Variants in EXOSC10 observed in about 807,000 individuals in gnomAD.
EXOSC10 encodes the protein exosome complex component 10.
EXOSC10 carries 94 observed loss-of-function variants against 126.6 expected under a neutral mutation model. That is an observed-to-expected ratio of 0.74 (90% CI 0.63 to 0.88). The LOEUF (loss-of-function observed/expected upper bound fraction) is 0.88, where lower values mean the gene tolerates loss of function less well. Ranked by LOEUF, EXOSC10 falls within the 40% of genes least tolerant of loss-of-function variation. EXOSC10 has a pLI of 0.00. For missense variants in EXOSC10, 1,041 were observed against 1,100.5 expected, an observed-to-expected ratio of 0.95 and a Z score of 0.77; for synonymous variants, 395 against 400.8, an observed-to-expected ratio of 0.99 and a Z score of 0.17.
intron 3 of EXOSC10, among the ~76,000 whole-genome samples, chr1:11,093,274 A>G (rs12126654): frequency 0.064 from 9,761 of 152,244 alleles, 454 homozygotes; most frequent in East Asian, 0.15. Context: ...TAAAATAACT[A>G]AGAAGTCCCT....
chr1:11,072,183 G>A lies in EXOSC10; in HGVS notation c.2158-12C>T. On this transcript the variant is annotated splice_polypyrimidine_tract_variant and intron_variant, in intron 19 of 24. Coordinates refer to ENST00000376936, the MANE Select transcript of EXOSC10 (RefSeq NM_001001998.3). ...CAGCGGTTGCTGATCTATAATGAAA[G>A]CAAATATAACAAAAAAAACCCTCCA... 1.3e-6 allele frequency: 2 copies of A among 1,597,732 alleles called. No individual in the cohort carries two copies. Among genetic ancestry groups the A allele is most frequent in the Non-Finnish European group, 1.7e-6 (2 of 1,171,210 alleles).
At chr1:11,082,659 C>A in intron 10 of EXOSC10, 29 bp downstream of exon 10, 1 of 1,611,780 alleles carries the variant, frequency 6.2e-7, no homozygotes, top group South Asian at 1.1e-5. Context: ...CTTCTGCCAC[C>A]CACATTTCCT....
chr1:11,098,210 G>A, intron 1 of EXOSC10, 54 bp from the exon 2 acceptor site: 1 of 1,543,824 alleles, frequency 6.5e-7, no homozygotes, highest in South Asian at 1.2e-5. Flanking sequence ...CATTCATTTG[G>A]TATGTCATTT....
Position 11,099,820 on chromosome 1 carries a change from G to A in EXOSC10, c.12C>T (p.Pro4=), listed in dbSNP as rs1222310165. The stretch of plus-strand genomic sequence containing the variant: ...ACAGGACCCTGGGCTCCCGGGTACT[G>A]GGTGGCGCCATTTTTTCAGCCTGCA... The part of the protein sequence containing the change: MAP[P]STREPRVLSA... The change falls in exon 1 of 25, where the codon CCC becomes CCT. Residue 4 remains proline, a synonymous_variant. Transcript: ENST00000376936. 4.4e-6 allele frequency: 7 copies of A among 1,606,504 alleles called. No individual in the cohort carries two copies. The East Asian group carries it at 1.6e-4, about 36-fold the overall frequency.
At chr1:11,067,858 G>C in intron 24 of EXOSC10, 150 bp downstream of exon 24, 2 of 630,622 alleles carry the variant, frequency 3.2e-6, no homozygotes, top group South Asian at 4.1e-5. Flanking sequence ...TCCGAGTGGC[G>C]TGAGGGACCT....
chr1:11,073,900 AG>A, intron 19 of EXOSC10, 33 bp downstream of exon 19: 3 of 1,206,220 alleles, frequency 2.5e-6, no homozygotes, highest in Admixed American at 3.0e-5. Context: ...AAAAAAAAAA[AG>A]TCTCTTTTAG....
rs1188654883 is a variant in EXOSC10 at position 11,091,151 on chromosome 1, G to T, written c.506C>A (p.Ser169Tyr). The T allele has an allele frequency of 3.1e-6, 5 of 1,614,102 alleles. No individual in the cohort carries two copies. In the East Asian group the frequency reaches 1.1e-4, roughly 36 times the overall value. Residue 169 changes from serine to tyrosine, a missense_variant, in exon 5 of 25, where the codon TCT (serine) becomes TAT (tyrosine). By Grantham distance (144) the Ser-to-Tyr change is moderately radical (BLOSUM62 -2). Transcript: ENST00000376936. Reference sequence around the variant, plus strand: ...TGCATGAAGCAGCCGGAAAGTTTCAGATTTTGCTTTTTTGCCATATTCTGC... The same window carrying T: ...TGCATGAAGCAGCCGGAAAGTTTCATATTTTGCTTTTTTGCCATATTCTGC... The part of the protein sequence containing the change: ...KAAEYGKKAK[S>Y]ETFRLLHAKN...
chr1:11,075,056 G>A (rs1452432045), intron 17 of EXOSC10, among the ~76,000 whole-genome samples: 2 of 151,962 alleles, frequency 1.3e-5, no homozygotes, highest in African/African-American at 2.4e-5. Context: ...TTTTTTGAGT[G>A]GAGTCTTGCT....
rs573970123 is a variant in EXOSC10 at position 11,069,780 on chromosome 1, C to T, written c.2317-50G>A. The T allele has an allele frequency of 3.8e-6, 6 of 1,597,796 alleles. No homozygotes were observed. In the East Asian group the frequency reaches 1.1e-4, roughly 30 times the overall value. On this transcript the variant is annotated intron_variant, in intron 21 of 24. Coordinates refer to ENST00000376936, the MANE Select transcript of EXOSC10 (RefSeq NM_001001998.3). ...GGAGGAACAGGGAGGCACATGGGAA[C>T]AGGGAACTCCACCGGCCTCAGCAAT...
chr1:11,087,416 TCACATG>T, intron 9 of EXOSC10, 26 bp downstream of exon 9: 2 of 1,613,132 alleles, frequency 1.2e-6, no homozygotes, highest in Non-Finnish European at 1.7e-6. Flanking sequence ...TTGTATGAGC[TCACATG>T]CATGAGTTAC....
At position 11,080,559 on chromosome 1, in the gene EXOSC10, AAAAAAC is replaced by A. The variant is rs757904143; in HGVS notation, c.1587-16_1587-11del. ...GTTTGGCAGTACATATCTGGAAAAA[AAAAAAC>A]ACACACACACACACACACACACACA... On this transcript the variant is annotated splice_polypyrimidine_tract_variant and intron_variant, in intron 12 of 24. Coordinates refer to ENST00000376936, the MANE Select transcript of EXOSC10 (RefSeq NM_001001998.3). 2.8e-4 allele frequency: 427 copies of A among 1,518,958 alleles called. 2 individuals are homozygous for A. The African/African-American group carries it at 5.0e-3, about 18-fold the overall frequency. The allele number at this position is 1,518,958 out of a possible 1,614,324, so 94.1% of individuals were successfully genotyped here.
At position 11,098,058 on chromosome 1, in the gene EXOSC10, T is replaced by C. The variant is rs746885913; in HGVS notation, c.210A>G (p.Gln70=). 21 of 1,612,088 alleles carry C rather than the reference T, an allele frequency of 1.3e-5. No homozygotes were observed. The highest frequency in any genetic ancestry group is 1.7e-5 in the Non-Finnish European group (20 of 1,179,448). The change falls in exon 2 of 25, where the codon CAA becomes CAG. Residue 70 remains glutamine (Q), a synonymous_variant. Coordinates refer to ENST00000376936, the MANE Select transcript of EXOSC10 (RefSeq NM_001001998.3). ...TGTCTCCCTGTGTTTCGCAAAATGC[T>C]TGGAAGCCAGGAAAACTTCGGTAAA... The part of the protein sequence containing the change: ...YDFYRSFPGF[Q]AFCETQGDRL...
At chr1:11,084,460 C>T (rs973584715) in intron 9 of EXOSC10, among the ~76,000 whole-genome samples, 7 of 152,282 alleles carry the variant, frequency 4.6e-5, no homozygotes, top group African/African-American at 1.7e-4. Flanking sequence ...CCTTCACCCA[C>T]TTTTTGATGG....
intron 2 of EXOSC10, among the ~76,000 whole-genome samples, chr1:11,097,048 A>G (rs1193582219): frequency 6.6e-6 from 1 of 151,986 alleles, no homozygotes; most frequent in Non-Finnish European, 1.5e-5. Flanking sequence ...CTCCTCTACT[A>G]AAAATACAAA....
intron 6 of EXOSC10, 86 bp downstream of exon 6, chr1:11,090,468 T>C: frequency 9.4e-7 from 1 of 1,068,972 alleles, no homozygotes; most frequent in Non-Finnish European, 1.4e-6. Flanking sequence ...CCTCAGATTG[T>C]TTTCATGTAT....
intron 3 of EXOSC10, among the ~76,000 whole-genome samples, chr1:11,092,446 C>A (rs1300005017): frequency 6.6e-6 from 1 of 151,528 alleles, no homozygotes; most frequent in African/African-American, 2.4e-5. Context: ...ATCTCTTGAC[C>A]TTGTGAGCTG....
chr1:11,068,354 G>A (rs1639237512), intron 23 of EXOSC10: 1 of 589,070 alleles, frequency 1.7e-6, no homozygotes. Context: ...CCCACGAGGG[G>A]TGAATGCAGG....
chr1:11,087,184 C>T (rs12136825), intron 9 of EXOSC10, among the ~76,000 whole-genome samples: 15,985 of 152,172 alleles, frequency 0.11, 1,462 homozygotes, highest in African/African-American at 0.22. Flanking sequence ...GTACAGTCAT[C>T]AAGTCCAAAC....
chr1:11,080,562 AAACACACACACACAC>A lies in EXOSC10; in HGVS notation c.1587-28_1587-14del, dbSNP rs1421994517. 1 of 1,478,200 alleles carries A rather than the reference AAACACACACACACAC, an allele frequency of 6.8e-7. No homozygotes were observed. The highest frequency in any genetic ancestry group is 1.8e-5 in the African/African-American group (1 of 54,132). The allele number at this position is 1,478,200 out of a possible 1,614,324, so 91.6% of individuals were successfully genotyped here. On this transcript the variant is annotated splice_polypyrimidine_tract_variant and intron_variant, in intron 12 of 24. Coordinates refer to ENST00000376936, the MANE Select transcript of EXOSC10 (RefSeq NM_001001998.3). ...TGGCAGTACATATCTGGAAAAAAAA[AAACACACACACACAC>A]ACACACACACACACACACACACACA...
Sources: allele counts gnomAD v4.1 joint callset (sites outside exome capture counted in the v4.1 genomes callset), GRCh38; gene constraint gnomAD v4.1.1; transcripts MANE v1.5; gene names NCBI Gene and HGNC (gene_info 2026-07-23, HGNC 2026-07-21).